The following DPYD variants were observed in gnomAD, a reference collection of about 807,000 sequenced individuals.
DPYD encodes the protein dihydropyrimidine dehydrogenase, also known as dihydropyrimidine dehydrogenase [NADP(+)].
Under a neutral mutation model 116.2 loss-of-function variants are expected in DPYD, and 109 were observed. That is an observed-to-expected ratio of 0.94 (90% CI 0.80 to 1.10). DPYD has a LOEUF of 1.10. Ranked by LOEUF, DPYD falls within the 50% of genes least tolerant of loss-of-function variation. The pLI is 0.00. For synonymous variants in DPYD, 440 were observed against 432.0 expected (o/e 1.02, Z -0.23); for missense variants, 1,302 against 1,254.5 (o/e 1.04, Z -0.57).
intron 2 of DPYD, among the ~76,000 whole-genome samples, chr1:97,879,696 C>T (rs998254249): frequency 3.3e-5 from 5 of 151,834 alleles, no homozygotes; most frequent in Non-Finnish European, 5.9e-5. Context: ...TTCAGAACTG[C>T]CATTCTTAAG....
intron 14 of DPYD, among the ~76,000 whole-genome samples, chr1:97,448,316 T>C (rs1175585724): frequency 5.3e-5 from 8 of 152,226 alleles, no homozygotes; most frequent in Non-Finnish European, 1.5e-5. Context: ...GTTCAAATTC[T>C]AGCTTCACCA....
At chr1:97,224,650 A>G (rs1385086154) in intron 19 of DPYD, among the ~76,000 whole-genome samples, 3 of 151,840 alleles carry the variant, frequency 2.0e-5, no homozygotes, top group Non-Finnish European at 4.4e-5. Context: ...CTTGAACTGC[A>G]TCTCTTTGTA....
intron 13 of DPYD, among the ~76,000 whole-genome samples, chr1:97,456,137 C>T (rs933249276): frequency 2.0e-5 from 3 of 150,502 alleles, no homozygotes; most frequent in African/African-American, 2.4e-5. Context: ...AGTAAGCATT[C>T]GAGATGAGAC....
intron 8 of DPYD, among the ~76,000 whole-genome samples, chr1:97,659,141 C>T (rs771401057): frequency 1.3e-5 from 2 of 152,242 alleles, no homozygotes; most frequent in East Asian, 1.9e-4. Flanking sequence ...TCTATCACTA[C>T]TTATGTTATT....
chr1:97,802,086 A>G (rs1405108252), intron 3 of DPYD, among the ~76,000 whole-genome samples: 2 of 151,856 alleles, frequency 1.3e-5, no homozygotes, highest in African/African-American at 4.8e-5. Flanking sequence ...AAGAAGCCAG[A>G]TTGTAGTGGG....
chr1:97,336,276 C>T (rs1669278888), intron 16 of DPYD, among the ~76,000 whole-genome samples: 3 of 152,202 alleles, frequency 2.0e-5, no homozygotes, highest in South Asian at 4.2e-4. Context: ...AATGCAGTAT[C>T]AATGAGCCCA....
At chr1:97,631,674 C>T (rs1359941478) in intron 8 of DPYD, among the ~76,000 whole-genome samples, 1 of 151,952 alleles carries the variant, frequency 6.6e-6, no homozygotes, top group Non-Finnish European at 1.5e-5. Context: ...AAAAGACACA[C>T]ATACATACCA....
intron 1 of DPYD, among the ~76,000 whole-genome samples, chr1:97,909,204 G>A (rs1673795871): frequency 6.6e-6 from 1 of 151,976 alleles, no homozygotes; most frequent in Admixed American, 6.6e-5. Context: ...CTCTTATTGA[G>A]AAAATTAAAA....
At chr1:97,722,549 A>G (rs1662980613) in intron 4 of DPYD, among the ~76,000 whole-genome samples, 1 of 151,542 alleles carries the variant, frequency 6.6e-6, no homozygotes, top group Admixed American at 6.6e-5. Flanking sequence ...AAACTGCTCT[A>G]AAATACATTT....
chr1:97,878,551 T>C (rs780411785), intron 2 of DPYD, among the ~76,000 whole-genome samples: 2 of 151,992 alleles, frequency 1.3e-5, no homozygotes, highest in East Asian at 1.9e-4. Context: ...CAAGTAAACA[T>C]ACACATAAAG....
chr1:97,180,696 G>A (rs575374970), intron 20 of DPYD, among the ~76,000 whole-genome samples: 4 of 152,088 alleles, frequency 2.6e-5, no homozygotes, highest in African/African-American at 7.2e-5. Flanking sequence ...TATTATACAA[G>A]TTTTAAGTAT....
chr1:97,785,080 C>T (rs553066005), intron 3 of DPYD, among the ~76,000 whole-genome samples: 10 of 152,236 alleles, frequency 6.6e-5, no homozygotes, highest in Admixed American at 5.2e-4. Context: ...AAATTATTCA[C>T]ATCCTGTTGT....
At chr1:97,609,452 A>G (rs536284000) in intron 8 of DPYD, among the ~76,000 whole-genome samples, 1 of 152,150 alleles carries the variant, frequency 6.6e-6, no homozygotes, top group African/African-American at 2.4e-5. Context: ...ATACAAGCTC[A>G]GTAATAATAA....
intron 19 of DPYD, among the ~76,000 whole-genome samples, chr1:97,208,523 C>G (rs1033593930): frequency 4.6e-5 from 7 of 151,932 alleles, no homozygotes; most frequent in Non-Finnish European, 1.0e-4. Flanking sequence ...TGGGCTTAAG[C>G]GATCCTCCTG....
chr1:97,868,425 GA>G (rs1671499284), intron 2 of DPYD, among the ~76,000 whole-genome samples: 1 of 151,600 alleles, frequency 6.6e-6, no homozygotes, highest in African/African-American at 2.4e-5. Flanking sequence ...ATTATTCGAA[GA>G]AATCAAAGCT....
At chr1:97,743,097 A>G (rs1195474142) in intron 3 of DPYD, among the ~76,000 whole-genome samples, 1 of 152,182 alleles carries the variant, frequency 6.6e-6, no homozygotes, top group East Asian at 1.9e-4. Context: ...GATTCACTTA[A>G]CAGTATTGAC....
intron 13 of DPYD, among the ~76,000 whole-genome samples, chr1:97,501,071 A>G (rs1479326311): frequency 6.6e-6 from 1 of 152,004 alleles, no homozygotes; most frequent in Admixed American, 6.6e-5. Flanking sequence ...CCAATACACA[A>G]CAGCGACCAT....
At chr1:97,321,542 T>C (rs113276712) in intron 16 of DPYD, among the ~76,000 whole-genome samples, 1 of 118,836 alleles carries the variant, frequency 8.4e-6, no homozygotes, top group Non-Finnish European at 1.8e-5. Flanking sequence ...AGATACCATC[T>C]CACACCAGTT....
At chr1:97,159,925 C>T (rs537231356) in intron 20 of DPYD, among the ~76,000 whole-genome samples, 2 of 151,892 alleles carry the variant, frequency 1.3e-5, no homozygotes, top group African/African-American at 2.4e-5. Flanking sequence ...CTCCCTCCTT[C>T]CTTGTCTTCT....
Sources: gnomAD v4.1 joint callset for allele counts (sites outside exome capture counted in the v4.1 genomes callset) on GRCh38, gnomAD v4.1.1 for gene constraint, MANE v1.5 for transcripts, NCBI Gene and HGNC (gene_info 2026-07-23, HGNC 2026-07-21) for gene names.